Variants in TENM4 observed in about 807,000 individuals in gnomAD.
TENM4 encodes teneurin-4.
A neutral mutation model predicts 243.3 loss-of-function variants in TENM4; 82 were observed. The observed-to-expected ratio is 0.34, with a 90% CI of 0.28 to 0.40. The LOEUF (loss-of-function observed/expected upper bound fraction) is 0.40, where lower values mean the gene tolerates loss of function less well. TENM4 is among the 10% of genes least tolerant of loss of function. The probability of loss-of-function intolerance (pLI) is 1.00; values close to 1 mark genes in which losing one functional copy is unlikely to be tolerated. For synonymous variants in TENM4, 1,412 were observed against 1,456.3 expected (o/e 0.97, Z 0.69); for missense variants, 3,138 against 3,673.3 (o/e 0.85, Z 3.77).
At chr11:78,915,948 C>T (rs185403966) in intron 6 of TENM4, among the ~76,000 whole-genome samples, 111 of 152,318 alleles carry the variant, frequency 7.3e-4, no homozygotes, top group Non-Finnish European at 1.4e-3. Context: ...GTCGCTAGAA[C>T]GCACAGAGCA....
chr11:78,942,633 G>T (rs1856925308), intron 6 of TENM4, among the ~76,000 whole-genome samples: 1 of 152,096 alleles, frequency 6.6e-6, no homozygotes, highest in Admixed American at 6.6e-5. Context: ...ATTCCTAAGT[G>T]CAAGCTCTGT....
chr11:79,125,020 T>C (rs986389073), intron 4 of TENM4, among the ~76,000 whole-genome samples: 7 of 151,060 alleles, frequency 4.6e-5, no homozygotes. Context: ...ATATTAAGGA[T>C]GGAGTATTTT....
chr11:78,670,642 T>C, intron 31 of TENM4, 91 bp from the exon 32 acceptor site: 1 of 1,252,190 alleles, frequency 8.0e-7, no homozygotes, highest in East Asian at 2.3e-5. Context: ...ACGGAATGAA[T>C]GTCCAAGGAG....
intron 2 of TENM4, among the ~76,000 whole-genome samples, chr11:79,227,291 G>A (rs1002371443): frequency 2.0e-5 from 3 of 152,190 alleles, no homozygotes; most frequent in Non-Finnish European, 1.5e-5. Flanking sequence ...ATTGGTTGCT[G>A]TCATTGGTGA....
intron 28 of TENM4, among the ~76,000 whole-genome samples, chr11:78,697,937 G>A (rs1292914334): frequency 6.6e-6 from 1 of 152,190 alleles, no homozygotes; most frequent in African/African-American, 2.4e-5. Flanking sequence ...GGTGGGGACT[G>A]CATTTCAGAC....
Position 78,839,872 on chromosome 11 carries a change from G to A in TENM4, c.1681+14232C>T, listed in dbSNP as rs552663636. On this transcript the variant is annotated intron_variant, in intron 12 of 33. Coordinates refer to ENST00000278550, the MANE Select transcript of TENM4 (RefSeq NM_001098816.3). Reference sequence around the variant, plus strand: ...GAACACAAAAGACACATCTCAGCACGGTGCATTCAAAAGTGTTGGGGGCTT... The same window carrying A: ...GAACACAAAAGACACATCTCAGCACAGTGCATTCAAAAGTGTTGGGGGCTT... 2.6e-5 allele frequency among the ~76,000 whole-genome samples: 4 copies of A among 152,202 alleles called. No homozygotes were observed. The East Asian group carries it at 5.8e-4, about 22-fold the overall frequency.
chr11:79,183,150 G>T (rs2135144369), intron 3 of TENM4, among the ~76,000 whole-genome samples: 1 of 152,228 alleles, frequency 6.6e-6, no homozygotes, highest in South Asian at 2.1e-4. Context: ...AAACTTGGAA[G>T]CAACCAAGAT....
At chr11:78,818,343 T>C (rs567744078) in intron 12 of TENM4, among the ~76,000 whole-genome samples, 10 of 152,318 alleles carry the variant, frequency 6.6e-5, no homozygotes, top group African/African-American at 2.4e-4. Flanking sequence ...CCGAAAAGCC[T>C]TCATAGTGAG....
chr11:78,677,475 G>T (rs940225959), intron 29 of TENM4, among the ~76,000 whole-genome samples: 1 of 151,898 alleles, frequency 6.6e-6, no homozygotes, highest in Non-Finnish European at 1.5e-5. Flanking sequence ...GGCAGGTCTT[G>T]AACTCCTGGG....
chr11:79,172,478 T>C (rs1239012419), intron 3 of TENM4, among the ~76,000 whole-genome samples: 1 of 152,140 alleles, frequency 6.6e-6, no homozygotes, highest in Admixed American at 6.5e-5. Flanking sequence ...TCTCAATTCT[T>C]TGCTTTCCCT....
chr11:79,134,227 G>T (rs1862066070), intron 4 of TENM4, among the ~76,000 whole-genome samples: 1 of 152,022 alleles, frequency 6.6e-6, no homozygotes, highest in South Asian at 2.1e-4. Flanking sequence ...AATAAAATCA[G>T]GAACTCAACT....
chr11:78,910,286 T>C (rs376734241), intron 6 of TENM4, among the ~76,000 whole-genome samples: 3 of 152,304 alleles, frequency 2.0e-5, no homozygotes, highest in South Asian at 4.1e-4. Context: ...GTCCTAAAGA[T>C]TGTCAGATAT....
chr11:78,737,930 A>C (rs193079663), intron 20 of TENM4, among the ~76,000 whole-genome samples: 34 of 152,334 alleles, frequency 2.2e-4, no homozygotes, highest in African/African-American at 7.7e-4. Flanking sequence ...TAACAGATGA[A>C]GCCAAGACAC....
At position 78,722,940 on chromosome 11, in the gene TENM4, T is replaced by C. The variant is rs374870604; in HGVS notation, c.3551-23A>G. The C allele has an allele frequency of 5.0e-5, 80 of 1,605,466 alleles. 1 individual carries two copies. Among genetic ancestry groups the C allele is most frequent in the Non-Finnish European group, 6.7e-5 (78 of 1,172,682 alleles). The stretch of plus-strand genomic sequence containing the variant: ...TGCCTGGGACAAGGAAAGAACAGAA[T>C]TGCCTGTGGAGCAGGAAATGGGTAT... On this transcript the variant is annotated intron_variant, in intron 23 of 33. Coordinates refer to ENST00000278550, the MANE Select transcript of TENM4 (RefSeq NM_001098816.3).
intron 1 of TENM4, among the ~76,000 whole-genome samples, chr11:79,306,370 C>G (rs1856625924): frequency 6.6e-6 from 1 of 152,130 alleles, no homozygotes; most frequent in East Asian, 1.9e-4. Context: ...AGAAGAGGAG[C>G]ACACTTGCCT....
intron 6 of TENM4, among the ~76,000 whole-genome samples, chr11:78,908,818 G>A (rs190983118): frequency 5.9e-5 from 9 of 152,358 alleles, no homozygotes; most frequent in Middle Eastern, 3.4e-3. Flanking sequence ...GGTTGAAGGT[G>A]TGCCATAAGG....
At chr11:78,834,062 T>C (rs1858042570) in intron 12 of TENM4, among the ~76,000 whole-genome samples, 1 of 152,202 alleles carries the variant, frequency 6.6e-6, no homozygotes, top group Non-Finnish European at 1.5e-5. Flanking sequence ...ATTTCTCTGT[T>C]CTTATTAGTC....
intron 4 of TENM4, among the ~76,000 whole-genome samples, chr11:79,086,692 G>T (rs896254513): frequency 6.6e-6 from 1 of 152,082 alleles, no homozygotes; most frequent in African/African-American, 2.4e-5. Flanking sequence ...AAATTAGCTG[G>T]GTGTGGTGGC....
intron 6 of TENM4, among the ~76,000 whole-genome samples, chr11:78,933,547 T>C (rs1856716550): frequency 6.6e-6 from 1 of 152,144 alleles, no homozygotes; most frequent in African/African-American, 2.4e-5. Flanking sequence ...AGGCAAGACA[T>C]AAAAATACAC....
Sources: gnomAD v4.1 joint callset for allele counts (sites outside exome capture counted in the v4.1 genomes callset) on GRCh38, gnomAD v4.1.1 for gene constraint, MANE v1.5 for transcripts, NCBI Gene and HGNC (gene_info 2026-07-23, HGNC 2026-07-21) for gene names.